Variants in SLC26A7 observed in about 807,000 individuals in gnomAD.
The protein encoded by SLC26A7 is solute carrier family 26 member 7, also known as anion exchange transporter.
A neutral mutation model predicts 82.5 loss-of-function variants in SLC26A7; 59 were observed. The observed-to-expected ratio is 0.72, with a 90% CI of 0.58 to 0.89. The LOEUF is 0.89. Ranked by LOEUF, SLC26A7 falls within the 40% of genes least tolerant of loss-of-function variation. The pLI is 0.00. For missense variants in SLC26A7, 820 were observed against 793.0 expected (o/e 1.03, Z -0.41); for synonymous variants, 271 against 274.3 (o/e 0.99, Z 0.12).
chr8:91,271,757 G>A (rs1340473611), intron 2 of SLC26A7, among the ~76,000 whole-genome samples: 5 of 151,992 alleles, frequency 3.3e-5, no homozygotes, highest in African/African-American at 7.3e-5. Flanking sequence ...ACCATGCCCG[G>A]CTAATTTTTT....
At chr8:91,229,505 A>T (rs1282730232) in intron 2 of SLC26A7, among the ~76,000 whole-genome samples, 1 of 152,212 alleles carries the variant, frequency 6.6e-6, no homozygotes, top group East Asian at 1.9e-4. Flanking sequence ...TATTTGCCTT[A>T]TTAAATATCT....
intron 2 of SLC26A7, among the ~76,000 whole-genome samples, chr8:91,231,674 T>C (rs1810312492): frequency 6.6e-6 from 1 of 152,176 alleles, no homozygotes; most frequent in Non-Finnish European, 1.5e-5. Context: ...GTGGATTATT[T>C]TAAATTCTAA....
At chr8:91,302,929 A>G (rs1563668931) in intron 4 of SLC26A7, among the ~76,000 whole-genome samples, 1 of 150,762 alleles carries the variant, frequency 6.6e-6, no homozygotes, top group South Asian at 2.1e-4. Context: ...TGTGATTAGG[A>G]CTCATGCAAT....
intron 2 of SLC26A7, among the ~76,000 whole-genome samples, chr8:91,228,486 G>T (rs1420828510): frequency 3.9e-5 from 6 of 152,228 alleles, no homozygotes; most frequent in Non-Finnish European, 5.9e-5. Context: ...AGGTGAGCAA[G>T]CTGGTCAGCA....
At chr8:91,216,761 ATAT>A (rs1274862397) in intron 1 of SLC26A7, among the ~76,000 whole-genome samples, 2 of 152,134 alleles carry the variant, frequency 1.3e-5, no homozygotes, top group African/African-American at 4.8e-5. Context: ...TAGATTTAAA[ATAT>A]TATATGTGTC....
chr8:91,282,445 C>T (rs1360324678), intron 2 of SLC26A7, among the ~76,000 whole-genome samples: 1 of 152,188 alleles, frequency 6.6e-6, no homozygotes, highest in East Asian at 1.9e-4. Flanking sequence ...AAATCCTCCT[C>T]CTTTCTCCCT....
At chr8:91,326,460 C>A (rs953801101) in intron 5 of SLC26A7, among the ~76,000 whole-genome samples, 5 of 152,088 alleles carry the variant, frequency 3.3e-5, no homozygotes, top group Non-Finnish European at 7.4e-5. Flanking sequence ...CATGCACAGC[C>A]CCTGTGTCTC....
intron 8 of SLC26A7, 173 bp downstream of exon 8, chr8:91,340,724 T>C: frequency 1.4e-6 from 1 of 691,656 alleles, no homozygotes; most frequent in Middle Eastern, 2.9e-4. Flanking sequence ...GCTAAAAACC[T>C]GACATTGATT....
At chr8:91,296,232 T>C (rs1812012653) in intron 4 of SLC26A7, among the ~76,000 whole-genome samples, 1 of 152,218 alleles carries the variant, frequency 6.6e-6, no homozygotes, top group Non-Finnish European at 1.5e-5. Flanking sequence ...GCTGCCAAGA[T>C]TGCTACAGTC....
intron 5 of SLC26A7, among the ~76,000 whole-genome samples, chr8:91,328,762 G>A (rs28720776): frequency 0.066 from 9,964 of 152,110 alleles, 465 homozygotes; most frequent in Non-Finnish European, 0.099. Context: ...ATATGTGTGT[G>A]TATGTGTGTG....
intron 15 of SLC26A7, among the ~76,000 whole-genome samples, chr8:91,374,520 A>G (rs1223456851): frequency 6.6e-6 from 1 of 151,896 alleles, no homozygotes; most frequent in African/African-American, 2.4e-5. Context: ...CTTAATTTCC[A>G]TGTACTTGTG....
At chr8:91,250,281 A>G (rs1810622505) in intron 2 of SLC26A7, among the ~76,000 whole-genome samples, 1 of 152,156 alleles carries the variant, frequency 6.6e-6, no homozygotes, top group Non-Finnish European at 1.5e-5. Context: ...TAAACAAGGA[A>G]CAAAGCTTTC....
chr8:91,291,900 C>A (rs891564817), intron 3 of SLC26A7, among the ~76,000 whole-genome samples: 2 of 152,216 alleles, frequency 1.3e-5, no homozygotes, highest in African/African-American at 4.8e-5. Context: ...AGCTACCACA[C>A]AATAAATGCT....
At chr8:91,271,166 T>C (rs1188976458) in intron 2 of SLC26A7, among the ~76,000 whole-genome samples, 1 of 152,204 alleles carries the variant, frequency 6.6e-6, no homozygotes, top group Non-Finnish European at 1.5e-5. Flanking sequence ...ACCCCAACCA[T>C]TCCATTTCAC....
chr8:91,349,388 A>G (rs1188190383), intron 9 of SLC26A7, among the ~76,000 whole-genome samples: 3 of 152,198 alleles, frequency 2.0e-5, no homozygotes, highest in South Asian at 2.1e-4. Context: ...TTGTAATTCA[A>G]TTGTTGTTAA....
At chr8:91,287,298 G>T (rs1373993978) in intron 2 of SLC26A7, among the ~76,000 whole-genome samples, 1 of 152,210 alleles carries the variant, frequency 6.6e-6, no homozygotes, top group Non-Finnish European at 1.5e-5. Context: ...AACTAAGTTT[G>T]TTATAGATTT....
At chr8:91,358,560 G>A (rs1273772850) in intron 11 of SLC26A7, among the ~76,000 whole-genome samples, 1 of 151,896 alleles carries the variant, frequency 6.6e-6, no homozygotes, top group Non-Finnish European at 1.5e-5. Flanking sequence ...TCGATCTGCT[G>A]ACATCATGAT....
intron 2 of SLC26A7, among the ~76,000 whole-genome samples, chr8:91,269,161 G>A (rs1486255925): frequency 6.6e-6 from 1 of 151,868 alleles, no homozygotes; most frequent in African/African-American, 2.4e-5. Flanking sequence ...AAAATTTTTT[G>A]TATGCTCACT....
chr8:91,280,770 T>C (rs1811550061), intron 2 of SLC26A7, among the ~76,000 whole-genome samples: 1 of 152,224 alleles, frequency 6.6e-6, no homozygotes, highest in African/African-American at 2.4e-5. Context: ...TTCAGTACTT[T>C]GGATCCAGTC....
Sources: allele counts gnomAD v4.1 joint callset (sites outside exome capture counted in the v4.1 genomes callset), GRCh38; gene constraint gnomAD v4.1.1; transcripts MANE v1.5; gene names NCBI Gene and HGNC (gene_info 2026-07-23, HGNC 2026-07-21).